DNAH8: variants seen among roughly 807,000 people sequenced by gnomAD.
The protein encoded by DNAH8 is axonemal beta dynein heavy chain 8.
In DNAH8, 382 loss-of-function variants were observed where a neutral mutation model predicts 562.1. The ratio of observed to expected loss-of-function variants is 0.68; its 90% CI spans 0.63 to 0.74. The LOEUF (loss-of-function observed/expected upper bound fraction) is 0.74. DNAH8 is among the 30% of genes least tolerant of loss of function. DNAH8 has a pLI of 0.00. For missense variants in DNAH8, 5,203 were observed against 5,620.4 expected, an observed-to-expected ratio of 0.93 and a Z score of 2.37; for synonymous variants, 1,881 against 1,919.4, an observed-to-expected ratio of 0.98 and a Z score of 0.52.
Position 38,913,906 on chromosome 6 carries a change from C to T in DNAH8, c.9917C>T (p.Ala3306Val), listed in dbSNP as rs748040671. The T allele has an allele frequency of 1.2e-6, 2 of 1,613,256 alleles. No individual in the cohort carries two copies. Among genetic ancestry groups the T allele is most frequent in the Non-Finnish European group, 1.7e-6 (2 of 1,179,450 alleles). The change falls in exon 67 of 93, where the codon GCA (alanine) becomes GTA (valine). Residue 3306 changes from alanine to valine, a missense_variant. Ala to Val is a moderately conservative substitution (Grantham distance 64). Around this residue, in one of 6 missense-constraint regions of DNAH8, gnomAD observed 977 missense variants for 1,061.8 expected, o/e 0.92. Coordinates refer to ENST00000327475, the MANE Select transcript of DNAH8 (RefSeq NM_001206927.2). The part of the protein sequence containing the change: ...ESVAKLSQDL[A>V]VKEKELAVAS... ...GTTGCTAAACTCTCTCAGGATCTTG[C>T]AGTCAAGGAGAAGGAGTTGGCAGTG... is the stretch of plus-strand genomic sequence containing the variant.
chr6:38,849,595 C>T (rs558778411), intron 37 of DNAH8, among the ~76,000 whole-genome samples: 3 of 149,624 alleles, frequency 2.0e-5, no homozygotes, highest in African/African-American at 7.4e-5. Flanking sequence ...TGAAAATGGC[C>T]GATTTCCTTT....
At chr6:38,850,545 A>G (rs944046491) in intron 38 of DNAH8, 131 bp downstream of exon 38, 2 of 793,452 alleles carry the variant, frequency 2.5e-6, no homozygotes. Flanking sequence ...AAAATTTCAC[A>G]TAGATTGAAC....
intron 88 of DNAH8, among the ~76,000 whole-genome samples, chr6:38,997,298 T>A (rs546537895): frequency 2.8e-4 from 43 of 152,074 alleles, no homozygotes; most frequent in Admixed American, 2.2e-3. Flanking sequence ...CCCTTGCTGT[T>A]CCCCCACCGG....
intron 31 of DNAH8, among the ~76,000 whole-genome samples, chr6:38,833,717 G>A (rs901757415): frequency 6.6e-6 from 1 of 152,076 alleles, no homozygotes; most frequent in Admixed American, 6.6e-5. Context: ...CTCTGTAAAA[G>A]CCTTCTGCAG....
chr6:38,870,894 A>G (rs1191558089), intron 49 of DNAH8, among the ~76,000 whole-genome samples: 1 of 152,260 alleles, frequency 6.6e-6, no homozygotes, highest in Non-Finnish European at 1.5e-5. Context: ...TACTGGCTGC[A>G]GCTGGGTGCC....
At chr6:38,884,180 G>GT (rs1432750338) in intron 56 of DNAH8, among the ~76,000 whole-genome samples, 182 bp downstream of exon 56, 4 of 151,848 alleles carry the variant, frequency 2.6e-5, no homozygotes, top group East Asian at 1.9e-4. Flanking sequence ...ATCCCTATGT[G>GT]TTTTTTTGTT....
intron 3 of DNAH8, among the ~76,000 whole-genome samples, chr6:38,725,304 T>TATAATAATAATAATAATAATAATA (rs10526350): frequency 6.0e-4 from 81 of 135,380 alleles, no homozygotes; most frequent in South Asian, 9.9e-4. Flanking sequence ...CTCCAACTCA[T>TATAATAATAATAATAATAATAATA]ATAATAATAA....
chr6:38,769,724 G>A (rs1180857127), intron 11 of DNAH8, among the ~76,000 whole-genome samples: 3 of 152,158 alleles, frequency 2.0e-5, no homozygotes, highest in Non-Finnish European at 2.9e-5. Context: ...TTACCCAAGT[G>A]GGCCCAATGT....
chr6:38,937,949 A>G (rs1783101685), intron 77 of DNAH8, 25 bp from the exon 78 acceptor site: 1 of 1,610,718 alleles, frequency 6.2e-7, no homozygotes, highest in South Asian at 1.1e-5. Context: ...CTTGTGTACT[A>G]CGGTTTTCCT....
intron 88 of DNAH8, among the ~76,000 whole-genome samples, chr6:39,007,722 C>A (rs1458579885): frequency 6.6e-6 from 1 of 152,114 alleles, no homozygotes; most frequent in African/African-American, 2.4e-5. Flanking sequence ...TATCTGTGTT[C>A]CTCAAATGCA....
intron 1 of DNAH8, among the ~76,000 whole-genome samples, chr6:38,720,346 T>C (rs895345550): frequency 6.6e-6 from 1 of 152,188 alleles, no homozygotes; most frequent in African/African-American, 2.4e-5. Context: ...AGACACCAAA[T>C]CAGAGTTGCT....
chr6:38,779,386 T>C (rs1321893839), intron 14 of DNAH8, among the ~76,000 whole-genome samples: 1 of 151,408 alleles, frequency 6.6e-6, no homozygotes, highest in Non-Finnish European at 1.5e-5. Context: ...TCTGTCTCTC[T>C]CTTTCTGTCT....
intron 8 of DNAH8, among the ~76,000 whole-genome samples, chr6:38,744,935 C>T (rs1021682394): frequency 3.3e-5 from 5 of 152,028 alleles, no homozygotes; most frequent in African/African-American, 9.7e-5. Flanking sequence ...ATTAATCACT[C>T]GTTATATTTG....
chr6:38,836,615 A>G (rs2150361859), intron 32 of DNAH8, among the ~76,000 whole-genome samples: 1 of 151,608 alleles, frequency 6.6e-6, no homozygotes, highest in East Asian at 1.9e-4. Flanking sequence ...GCTGTTTGGC[A>G]TGCACTTCAC....
intron 92 of DNAH8, 53 bp from the exon 93 acceptor site, chr6:39,030,052 G>A (rs1561993217): frequency 6.9e-7 from 1 of 1,448,748 alleles, no homozygotes. Context: ...GACTAATTTT[G>A]CAGCACCTAG....
intron 79 of DNAH8, among the ~76,000 whole-genome samples, chr6:38,943,965 C>T (rs533317308): frequency 1.3e-5 from 2 of 152,184 alleles, no homozygotes; most frequent in African/African-American, 2.4e-5. Flanking sequence ...AGCTAACAAG[C>T]GGCAGAGCCA....
chr6:38,775,775 G>T lies in DNAH8; in HGVS notation c.1786G>T (p.Val596Leu), dbSNP rs770839298. The T allele has an allele frequency of 2.5e-6, 4 of 1,595,882 alleles. No individual in the cohort carries two copies. In the South Asian group the frequency reaches 3.3e-5, roughly 13 times the overall value. ...LEKITEMITV[V>L]QTYSTLSNST... ...TAAGATTACAGAAATGATAACTGTT[G>T]TGCAAACATATTCAACCTTGAGTAA... Residue 596 changes from valine to leucine, a missense_variant, in exon 13 of 93, where the codon GTG becomes TTG. Val to Leu is a conservative substitution (Grantham distance 32). Coordinates refer to ENST00000327475, the MANE Select transcript of DNAH8 (RefSeq NM_001206927.2).
chr6:38,729,104 G>A (rs564560284), intron 3 of DNAH8, among the ~76,000 whole-genome samples: 1 of 152,282 alleles, frequency 6.6e-6, no homozygotes, highest in South Asian at 2.1e-4. Flanking sequence ...TCGGGAGACT[G>A]ATGCCGGAGA....
At chr6:38,779,914 T>C in intron 14 of DNAH8, 52 bp from the exon 15 acceptor site, 2 of 1,492,064 alleles carry the variant, frequency 1.3e-6, no homozygotes, top group Non-Finnish European at 1.9e-6. Context: ...ACAGCAAGTC[T>C]TAAGTATATT....
Sources: gnomAD v4.1 joint callset for allele counts (sites outside exome capture counted in the v4.1 genomes callset) on GRCh38, gnomAD v4.1.1 for gene constraint, gnomAD v4.1.1 regional missense constraint, MANE v1.5 for transcripts, NCBI Gene and HGNC (gene_info 2026-07-23, HGNC 2026-07-21) for gene names.